Variants in CSMD1 observed in about 807,000 individuals in gnomAD.
CSMD1 encodes the protein CUB and sushi domain-containing protein 1.
Under a neutral mutation model 417.5 loss-of-function variants are expected in CSMD1, and 213 were observed. That is an observed-to-expected ratio of 0.51 (90% confidence interval 0.46 to 0.57). The LOEUF is 0.57. Ranked by LOEUF, CSMD1 falls within the 20% of genes least tolerant of loss-of-function variation. The pLI is 0.00. For missense variants in CSMD1, 6,923 were observed against 4,529.7 expected, an observed-to-expected ratio of 1.53 and a Z score of -15.17; for synonymous variants, 2,862 against 1,736.8, an observed-to-expected ratio of 1.65 and a Z score of -16.11.
chr8:4,084,047 A>G (rs1800289442), intron 3 of CSMD1, among the ~76,000 whole-genome samples: 1 of 152,216 alleles, frequency 6.6e-6, no homozygotes, highest in African/African-American at 2.4e-5. Context: ...CCCTTTTAAA[A>G]TTAGTAGATC....
chr8:4,041,829 C>G (rs1010908412), intron 3 of CSMD1, among the ~76,000 whole-genome samples: 1 of 151,784 alleles, frequency 6.6e-6, no homozygotes, highest in Non-Finnish European at 1.5e-5. Context: ...ACAAAACAAA[C>G]CCAGATTGAA....
intron 3 of CSMD1, among the ~76,000 whole-genome samples, chr8:4,318,845 G>A (rs1220012939): frequency 2.0e-5 from 3 of 151,944 alleles, no homozygotes; most frequent in East Asian, 1.9e-4. Context: ...AAATCATAAA[G>A]CATCTTACAA....
intron 5 of CSMD1, among the ~76,000 whole-genome samples, chr8:3,986,919 T>TA (rs1390368503): frequency 6.6e-6 from 1 of 152,062 alleles, no homozygotes; most frequent in East Asian, 1.9e-4. Flanking sequence ...CATGCCCAGC[T>TA]AATTTTTGTA....
chr8:3,933,682 C>T (rs946341683), intron 5 of CSMD1, among the ~76,000 whole-genome samples: 11 of 152,104 alleles, frequency 7.2e-5, no homozygotes, highest in Admixed American at 3.9e-4. Context: ...CAAAATGTTT[C>T]GCATGCAATT....
chr8:4,649,605 C>T (rs1264398180), intron 1 of CSMD1, among the ~76,000 whole-genome samples: 1 of 152,122 alleles, frequency 6.6e-6, no homozygotes, highest in Non-Finnish European at 1.5e-5. Context: ...CTACAAATTC[C>T]ACTACAAAAG....
rs572019836 is a variant in CSMD1, at chr8:3,490,856, T to A, written c.1448+2767A>T. On this transcript the variant is annotated intron_variant, in intron 11 of 69. Transcript: ENST00000635120. ...GCCCTCAGATGTAGGACTCTGTTTT[T>A]AAAAATAAAAAGAAAAAAATTTTTT... is the stretch of plus-strand genomic sequence containing the variant. Among the ~76,000 whole-genome samples the A allele has an allele frequency of 2.6e-3, 395 of 150,138 alleles. 4 individuals are homozygous for A. The highest frequency in any genetic ancestry group is 9.4e-3 in the African/African-American group (380 of 40,590).
At chr8:4,851,292 A>G (rs71523650) in intron 1 of CSMD1, among the ~76,000 whole-genome samples, 41,202 of 151,564 alleles carry the variant, frequency 0.27, 6,283 homozygotes, top group Non-Finnish European at 0.36. Flanking sequence ...ATTTTTTATG[A>G]CTGCATAGTA....
At chr8:4,811,133 A>T (rs1180273652) in intron 1 of CSMD1, among the ~76,000 whole-genome samples, 1 of 152,224 alleles carries the variant, frequency 6.6e-6, no homozygotes, top group African/African-American at 2.4e-5. Context: ...TAAATGATCA[A>T]GTGAGAAAAA....
intron 2 of CSMD1, among the ~76,000 whole-genome samples, chr8:4,539,955 C>T (rs998197028): frequency 6.6e-6 from 1 of 152,126 alleles, no homozygotes; most frequent in Non-Finnish European, 1.5e-5. Context: ...CAAACTCCGC[C>T]CCGTCCAGGT....
chr8:3,517,814 A>G (rs1585290964), intron 10 of CSMD1, among the ~76,000 whole-genome samples: 1 of 152,206 alleles, frequency 6.6e-6, no homozygotes, highest in African/African-American at 2.4e-5. Flanking sequence ...CTTTTAGTCT[A>G]TGAGAAGAAA....
chr8:4,398,970 C>T (rs916057483), intron 3 of CSMD1, among the ~76,000 whole-genome samples: 3 of 152,110 alleles, frequency 2.0e-5, no homozygotes, highest in African/African-American at 7.2e-5. Flanking sequence ...AAGCTTCTTC[C>T]AGGAAACAGT....
intron 26 of CSMD1, among the ~76,000 whole-genome samples, chr8:3,271,425 T>A (rs927925979): frequency 6.6e-6 from 1 of 151,660 alleles, no homozygotes. Context: ...ATGATTTATA[T>A]TCCTTTGGGT....
intron 3 of CSMD1, among the ~76,000 whole-genome samples, chr8:4,102,329 A>G (rs991709391): frequency 1.3e-5 from 2 of 152,194 alleles, no homozygotes; most frequent in African/African-American, 4.8e-5. Context: ...TTTTAAACAA[A>G]TATGTAGAAT....
chr8:4,860,789 C>T (rs190563003), intron 1 of CSMD1, among the ~76,000 whole-genome samples: 2 of 152,174 alleles, frequency 1.3e-5, no homozygotes, highest in African/African-American at 2.4e-5. Flanking sequence ...CCTGATAATA[C>T]CAAATTGCAA....
chr8:4,765,079 G>T (rs1429376666), intron 1 of CSMD1, among the ~76,000 whole-genome samples: 1 of 152,078 alleles, frequency 6.6e-6, no homozygotes, highest in Non-Finnish European at 1.5e-5. Context: ...ATGAGGAACA[G>T]GTATGCAACG....
intron 3 of CSMD1, among the ~76,000 whole-genome samples, chr8:4,102,394 T>A (rs1460449043): frequency 6.6e-6 from 1 of 152,212 alleles, no homozygotes; most frequent in African/African-American, 2.4e-5. Context: ...TTCGTAAGGT[T>A]AACCCCTCTG....
rs578025447 is a variant in CSMD1, at chr8:3,249,379, C to T, written c.4154-19148G>A. Among the ~76,000 whole-genome samples the T allele has an allele frequency of 1.1e-4, 17 of 152,222 alleles. 1 individual carries two copies. In the East Asian group the frequency reaches 2.3e-3, roughly 21 times the overall value. ...CTGCGACTACAGGCGCCCACCACCACGCTCGGCTATTTTTTTGTATTTTTA... is the reference window on the plus strand; with the variant it reads ...CTGCGACTACAGGCGCCCACCACCATGCTCGGCTATTTTTTTGTATTTTTA... On this transcript the variant is annotated intron_variant, in intron 26 of 69. Transcript: ENST00000635120.
chr8:3,984,485 T>C (rs1251458116), intron 5 of CSMD1, among the ~76,000 whole-genome samples: 4 of 151,962 alleles, frequency 2.6e-5, no homozygotes, highest in African/African-American at 9.7e-5. Context: ...CAGCATTAAA[T>C]AATGACTAGC....
In CSMD1 at chr8:4,647,550, T is replaced by C. The variant is rs540461544; in HGVS notation, c.86-9992A>G. ...TTGCTGCACCTATTGACCCCTCCTCTAAGTTCCCTCCCCTCATCCCCCACC... is the reference window on the plus strand; with the variant it reads ...TTGCTGCACCTATTGACCCCTCCTCCAAGTTCCCTCCCCTCATCCCCCACC... On this transcript the variant is annotated intron_variant, in intron 1 of 69. Coordinates refer to ENST00000635120, the MANE Select transcript of CSMD1 (RefSeq NM_033225.6). Among the ~76,000 whole-genome samples the C allele has an allele frequency of 7.9e-5, 12 of 152,282 alleles. No homozygotes were observed. In the East Asian group the frequency reaches 2.3e-3, roughly 29 times the overall value.
Sources: gnomAD v4.1 joint callset for allele counts (sites outside exome capture counted in the v4.1 genomes callset) on GRCh38, gnomAD v4.1.1 for gene constraint, MANE v1.5 for transcripts, NCBI Gene and HGNC (gene_info 2026-07-23, HGNC 2026-07-21) for gene names.